Variants in ATP2B2 observed in about 807,000 individuals in gnomAD.
ATP2B2 encodes plasma membrane calcium-transporting ATPase 2.
In ATP2B2, 15 loss-of-function variants were observed where a neutral mutation model predicts 120.0. That is an observed-to-expected ratio of 0.12 (90% CI 0.08 to 0.19). The LOEUF (loss-of-function observed/expected upper bound fraction) is 0.19, where lower values mean the gene tolerates loss of function less well. Among genes scored for constraint, ATP2B2 ranks in the 10% least tolerant of loss-of-function variants. ATP2B2 has a pLI of 1.00. For missense variants in ATP2B2, 1,045 were observed against 1,719.8 expected (o/e 0.61, Z 6.94); for synonymous variants, 694 against 700.3 (o/e 0.99, Z 0.14).
intron 1 of ATP2B2, among the ~76,000 whole-genome samples, chr3:10,707,674 G>C (rs2071917408): frequency 6.6e-6 from 1 of 152,100 alleles, no homozygotes. Flanking sequence ...CCGGGTCCGC[G>C]GACGCCCACC....
chr3:10,529,736 C>T (rs568843995), intron 3 of ATP2B2, among the ~76,000 whole-genome samples: 1 of 152,254 alleles, frequency 6.6e-6, no homozygotes, highest in East Asian at 1.9e-4. Context: ...TACAGATGGG[C>T]GTTGACAGAG....
chr3:10,363,155 C>T (rs1310660939), intron 12 of ATP2B2, among the ~76,000 whole-genome samples: 1 of 152,158 alleles, frequency 6.6e-6, no homozygotes, highest in African/African-American at 2.4e-5. Flanking sequence ...GGCAGAGCTG[C>T]CTCCTCCGTA....
intron 2 of ATP2B2, among the ~76,000 whole-genome samples, chr3:10,586,387 C>T (rs2068510862): frequency 6.6e-6 from 1 of 152,218 alleles, no homozygotes. Flanking sequence ...TCTCCATCAT[C>T]CCAAGAGGCA....
chr3:10,516,147 C>G (rs966912689), intron 3 of ATP2B2, among the ~76,000 whole-genome samples: 1 of 152,236 alleles, frequency 6.6e-6, no homozygotes, highest in South Asian at 2.1e-4. Flanking sequence ...GAACCCTGGG[C>G]AGGCCCGCAA....
At chr3:10,330,334 G>A (rs2059943581) in intron 22 of ATP2B2, 1 of 153,854 alleles carries the variant, frequency 6.5e-6, no homozygotes, top group Non-Finnish European at 1.5e-5. Context: ...CTGTGGACAA[G>A]CCACACTAGC....
rs543533535 is a variant in ATP2B2, at chr3:10,338,003, G to A, written c.3420+173C>T. On this transcript the variant is annotated intron_variant, in intron 22 of 22. Transcript: ENST00000360273. ...TCTGAGGAGGCCGTGCTGTTCCTTA[G>A]CAGCCACAGGAGTGGGTGTGCAAGT... Among the ~76,000 whole-genome samples the A allele has an allele frequency of 9.2e-5, 14 of 152,282 alleles. No individual in the cohort carries two copies. The East Asian group carries it at 2.7e-3, about 29-fold the overall frequency.
At chr3:10,669,630 G>A (rs2071040721) in intron 1 of ATP2B2, among the ~76,000 whole-genome samples, 1 of 152,178 alleles carries the variant, frequency 6.6e-6, no homozygotes, top group Non-Finnish European at 1.5e-5. Context: ...CAAGTTCCCA[G>A]GCAATTTCAA....
chr3:10,654,905 A>G (rs2070573231), intron 1 of ATP2B2, among the ~76,000 whole-genome samples: 1 of 152,098 alleles, frequency 6.6e-6, no homozygotes, highest in Admixed American at 6.5e-5. Flanking sequence ...CATTTAGAGA[A>G]ATACTATCGC....
At position 10,326,352 on chromosome 3, in the gene ATP2B2, T is replaced by C. The variant is rs1477191506; in HGVS notation, c.*2462A>G. The C allele has an allele frequency of 1.6e-5, 3 of 191,004 alleles. No homozygotes were observed. Among genetic ancestry groups the C allele is most frequent in the East Asian group, 1.2e-4 (1 of 8,254 alleles). 11.8% of individuals were successfully genotyped at this position (191,004 alleles called of 1,614,324 possible). ...CCTGACAAGAGAAGACCAACGCTAATGTTGGCATTCTTCCATCGCTCCCTG... is the reference window on the plus strand; with the variant it reads ...CCTGACAAGAGAAGACCAACGCTAACGTTGGCATTCTTCCATCGCTCCCTG... On this transcript the variant is annotated 3_prime_UTR_variant, in exon 23 of 23. Coordinates refer to ENST00000360273, the MANE Select transcript of ATP2B2 (RefSeq NM_001001331.4).
intron 5 of ATP2B2, among the ~76,000 whole-genome samples, chr3:10,399,029 G>T (rs1032104309): frequency 1.3e-5 from 2 of 152,248 alleles, no homozygotes; most frequent in African/African-American, 4.8e-5. Context: ...TTGTGATGCT[G>T]TCAGGCCAGT....
At chr3:10,487,346 C>T (rs2065727629) in intron 1 of ATP2B2, among the ~76,000 whole-genome samples, 1 of 152,104 alleles carries the variant, frequency 6.6e-6, no homozygotes, top group South Asian at 2.1e-4. Context: ...AACAAAAACC[C>T]CAAACAAGAA....
intron 14 of ATP2B2, among the ~76,000 whole-genome samples, chr3:10,355,159 A>G (rs1455281433): frequency 6.6e-6 from 1 of 152,162 alleles, no homozygotes; most frequent in Non-Finnish European, 1.5e-5. Context: ...GAGGTGCTGA[A>G]TCAACACGTC....
intron 2 of ATP2B2, among the ~76,000 whole-genome samples, chr3:10,434,120 C>A (rs1018904404): frequency 2.6e-5 from 4 of 152,170 alleles, no homozygotes; most frequent in Admixed American, 2.6e-4. Context: ...AGGGGATGTG[C>A]CAAAATTTCT....
rs1485730416 is a variant in ATP2B2 at position 10,355,819 on chromosome 3, A to G, written c.2136+2872T>C. Among the ~76,000 whole-genome samples, 3 of 25,380 alleles carry G rather than the reference A, an allele frequency of 1.2e-4. 1 individual carries two copies. Among genetic ancestry groups the G allele is most frequent in the African/African-American group, 3.9e-4 (3 of 7,788 alleles). 16.7% of individuals were successfully genotyped at this position (25,380 alleles called of 152,430 possible). ...CCGGGCGCGGTGGCTCACGCCTGTA[A>G]TCCCAGCACTTTGGGAGGCCGAGGC... On this transcript the variant is annotated intron_variant, in intron 14 of 22. Coordinates refer to ENST00000360273, the MANE Select transcript of ATP2B2 (RefSeq NM_001001331.4).
rs1425385764 is a variant in ATP2B2, at chr3:10,372,168, C to G, written c.1417-117G>C. The G allele has an allele frequency of 4.2e-6, 6 of 1,431,260 alleles. No individual in the cohort carries two copies. The Admixed American group carries it at 1.1e-4, about 26-fold the overall frequency. 88.7% of individuals were successfully genotyped at this position (1,431,260 alleles called of 1,614,324 possible). On this transcript the variant is annotated intron_variant, in intron 11 of 22. Transcript: ENST00000360273. Reference sequence around the variant, plus strand: ...AAGGCAGAGCCACCACAGCCTGCCCCTTTGCTTCCGGCACTTGTAAAGGAT... The same window carrying G: ...AAGGCAGAGCCACCACAGCCTGCCCGTTTGCTTCCGGCACTTGTAAAGGAT...
At chr3:10,524,010 A>T in intron 3 of ATP2B2, among the ~76,000 whole-genome samples, 1 of 152,250 alleles carries the variant, frequency 6.6e-6, no homozygotes, top group Non-Finnish European at 1.5e-5. Flanking sequence ...GGGATTGTGC[A>T]TAAGAATCCA....
intron 2 of ATP2B2, among the ~76,000 whole-genome samples, chr3:10,417,766 G>C (rs763251456): frequency 1.3e-5 from 2 of 152,178 alleles, no homozygotes; most frequent in Non-Finnish European, 2.9e-5. Flanking sequence ...GTTGTAATTG[G>C]GTGAGCTTGG....
At chr3:10,363,562 C>T (rs912759472) in intron 12 of ATP2B2, among the ~76,000 whole-genome samples, 2 of 152,100 alleles carry the variant, frequency 1.3e-5, no homozygotes, top group Admixed American at 6.5e-5. Flanking sequence ...GAGGACAATT[C>T]GTGCTCTTGT....
chr3:10,641,775 G>A (rs1456465128), intron 1 of ATP2B2, among the ~76,000 whole-genome samples: 1 of 152,126 alleles, frequency 6.6e-6, no homozygotes. Flanking sequence ...GGGGAGAAGC[G>A]AAGTCTAAAA....
Sources: gnomAD v4.1 joint callset for allele counts (sites outside exome capture counted in the v4.1 genomes callset) on GRCh38, gnomAD v4.1.1 for gene constraint, MANE v1.5 for transcripts, NCBI Gene and HGNC (gene_info 2026-07-23, HGNC 2026-07-21) for gene names.